Variants in ST8SIA4 observed in about 807,000 individuals in gnomAD.
The protein encoded by ST8SIA4 is ST8 alpha-N-acetyl-neuraminide alpha-2,8-sialyltransferase 4.
In ST8SIA4, 15 loss-of-function variants were observed where a neutral mutation model predicts 33.9. The observed-to-expected ratio is 0.44, with a 90% CI of 0.30 to 0.68. The LOEUF is 0.68. Ranked by LOEUF, ST8SIA4 falls within the 30% of genes least tolerant of loss-of-function variation. The probability of loss-of-function intolerance (pLI) is 0.10; values close to 1 mark genes in which losing one functional copy is unlikely to be tolerated. For synonymous variants in ST8SIA4, 171 were observed against 151.2 expected (o/e 1.13, Z -0.96); for missense variants, 321 against 428.0 (o/e 0.75, Z 2.21).
At position 100,811,694 on chromosome 5, in the gene ST8SIA4, C is replaced by T. The variant is rs3076; in HGVS notation, c.*153G>A. 82,214 of 752,674 alleles carry T rather than the reference C, an allele frequency of 0.11. 5,589 individuals are homozygous for T. Among genetic ancestry groups the T allele is most frequent in the Middle Eastern group, 0.19 (478 of 2,578 alleles). 46.6% of individuals were successfully genotyped at this position (752,674 alleles called of 1,614,324 possible). A position where few individuals can be genotyped will look rare whatever the true frequency, so the allele number is the denominator to read the frequency against. On this transcript the variant is annotated 3_prime_UTR_variant, in exon 5 of 5. Coordinates refer to ENST00000231461, the MANE Select transcript of ST8SIA4 (RefSeq NM_005668.6). ...TTTTTAGAGCACTTTGCAGGTATTT[C>T]ATCAGCTGGTAGTCGATTTCTCATG... is the stretch of plus-strand genomic sequence containing the variant.
In ST8SIA4 at chr5:100,807,379, T is replaced by C. The variant is rs1750716611; in HGVS notation, c.*4468A>G. The stretch of plus-strand genomic sequence containing the variant: ...AAGAAATACTCAGTAGCAATTATTC[T>C]GTGCAGCAATGCTATCTCTGTAAAC... On this transcript the variant is annotated 3_prime_UTR_variant, in exon 5 of 5. Transcript: ENST00000231461. 1 of 152,576 alleles carries C rather than the reference T, an allele frequency of 6.6e-6. No homozygotes were observed. The highest frequency in any genetic ancestry group is 1.5e-5 in the Non-Finnish European group (1 of 67,970). 9.5% of individuals were successfully genotyped at this position (152,576 alleles called of 1,614,324 possible). A position where few individuals can be genotyped will look rare whatever the true frequency, so the allele number is the denominator to read the frequency against.
intron 2 of ST8SIA4, among the ~76,000 whole-genome samples, chr5:100,889,152 A>C (rs1009373846): frequency 1.3e-5 from 2 of 151,942 alleles, no homozygotes; most frequent in African/African-American, 4.8e-5. Context: ...TTTTCACAAA[A>C]GTTAACAACT....
chr5:100,816,676 A>AT (rs1170286729), intron 4 of ST8SIA4: 3 of 471,496 alleles, frequency 6.4e-6, no homozygotes, highest in African/African-American at 6.3e-5. Context: ...AACAGTTGTA[A>AT]TTTAATGTTA....
intron 4 of ST8SIA4, among the ~76,000 whole-genome samples, chr5:100,813,694 C>A (rs1327629360): frequency 6.6e-6 from 1 of 151,740 alleles, no homozygotes. Context: ...TCTCTGGGCT[C>A]TGAGAAAACA....
chr5:100,886,603 G>A lies in ST8SIA4; in HGVS notation c.246-3C>T. The A allele has an allele frequency of 6.2e-7, 1 of 1,610,234 alleles. No homozygotes were observed. On this transcript the variant is annotated splice_polypyrimidine_tract_variant and splice_region_variant and intron_variant, in intron 2 of 4. Transcript: ENST00000231461. ...CTAAGAAACGAAGTATGTTCTTCCTGTATTTGAAATACAAGCAAAGTTTTA... is the reference window on the plus strand; with the variant it reads ...CTAAGAAACGAAGTATGTTCTTCCTATATTTGAAATACAAGCAAAGTTTTA...
At chr5:100,891,581 C>T (rs1211349698) in intron 2 of ST8SIA4, among the ~76,000 whole-genome samples, 4 of 151,876 alleles carry the variant, frequency 2.6e-5, no homozygotes, top group African/African-American at 4.8e-5. Context: ...AATTGTCCCA[C>T]AATATTTGAT....
chr5:100,839,129 T>C (rs923508575), intron 4 of ST8SIA4, among the ~76,000 whole-genome samples: 8 of 152,032 alleles, frequency 5.3e-5, no homozygotes, highest in Middle Eastern at 3.4e-3. Context: ...CACCCACCCA[T>C]TTAAAAATTT....
At chr5:100,867,011 T>C (rs1219153231) in intron 3 of ST8SIA4, among the ~76,000 whole-genome samples, 1 of 152,140 alleles carries the variant, frequency 6.6e-6, no homozygotes, top group Non-Finnish European at 1.5e-5. Context: ...TGTGATTGTT[T>C]TCCTTTTTTC....
chr5:100,895,295 C>T (rs1752757217), intron 2 of ST8SIA4, among the ~76,000 whole-genome samples: 1 of 151,918 alleles, frequency 6.6e-6, no homozygotes, highest in South Asian at 2.1e-4. Flanking sequence ...GTTGAGAAAA[C>T]CCAAAAGCAG....
intron 4 of ST8SIA4, among the ~76,000 whole-genome samples, chr5:100,823,817 C>A (rs929334906): frequency 6.6e-6 from 1 of 152,118 alleles, no homozygotes; most frequent in Non-Finnish European, 1.5e-5. Flanking sequence ...AGAGGCACTG[C>A]CTAAGACAAA....
chr5:100,831,298 C>A (rs1751253134), intron 4 of ST8SIA4, among the ~76,000 whole-genome samples: 2 of 152,156 alleles, frequency 1.3e-5, no homozygotes, highest in Non-Finnish European at 2.9e-5. Context: ...CAGTCTCTAT[C>A]CCATAACTAA....
chr5:100,842,965 G>A (rs2010850389), intron 4 of ST8SIA4, among the ~76,000 whole-genome samples: 2 of 151,864 alleles, frequency 1.3e-5, no homozygotes, highest in South Asian at 4.1e-4. Context: ...CCAAAACAAG[G>A]AAGCTTTAAA....
intron 4 of ST8SIA4, among the ~76,000 whole-genome samples, chr5:100,853,937 CT>C (rs1751755934): frequency 6.6e-6 from 1 of 151,518 alleles, no homozygotes; most frequent in African/African-American, 2.4e-5. Flanking sequence ...CAGATTATTT[CT>C]TTCTAAAACT....
intron 3 of ST8SIA4, among the ~76,000 whole-genome samples, chr5:100,867,160 T>C (rs193188820): frequency 6.6e-6 from 1 of 152,226 alleles, no homozygotes; most frequent in East Asian, 1.9e-4. Context: ...AGAAGTGTAA[T>C]TTTTATTTGC....
At chr5:100,835,483 A>G (rs963240098) in intron 4 of ST8SIA4, among the ~76,000 whole-genome samples, 2 of 152,184 alleles carry the variant, frequency 1.3e-5, no homozygotes, top group African/African-American at 2.4e-5. Context: ...GCTATTAAAG[A>G]TAAATATTGG....
intron 4 of ST8SIA4, among the ~76,000 whole-genome samples, chr5:100,843,497 A>G (rs898991324): frequency 6.6e-6 from 1 of 151,938 alleles, no homozygotes; most frequent in Non-Finnish European, 1.5e-5. Context: ...TGAGTTCTTA[A>G]GATGCTAGCA....
intron 4 of ST8SIA4, among the ~76,000 whole-genome samples, chr5:100,813,337 C>G (rs1308761643): frequency 6.6e-6 from 1 of 151,972 alleles, no homozygotes; most frequent in Non-Finnish European, 1.5e-5. Flanking sequence ...TATATTTTGT[C>G]TTTCATTTTC....
intron 3 of ST8SIA4, among the ~76,000 whole-genome samples, chr5:100,879,291 G>T (rs1255087491): frequency 6.6e-6 from 1 of 152,068 alleles, no homozygotes; most frequent in Admixed American, 6.6e-5. Context: ...AAATTTTCAA[G>T]CACAAATCAG....
In ST8SIA4 at chr5:100,810,888, A is replaced by G; in HGVS notation, c.*959T>C. 1 of 152,648 alleles carries G rather than the reference A, an allele frequency of 6.6e-6. No homozygotes were observed. The highest frequency in any genetic ancestry group is 1.5e-5 in the Non-Finnish European group (1 of 68,090). The allele number at this position is 152,648 out of a possible 1,614,324, so 9.5% of individuals were successfully genotyped here. On this transcript the variant is annotated 3_prime_UTR_variant, in exon 5 of 5. Coordinates refer to ENST00000231461, the MANE Select transcript of ST8SIA4 (RefSeq NM_005668.6). ...AGCCGTGCAAAATAAAACTTTTTTA[A>G]AAATGTCGGCCAGGCACGGTGGCTC...
Sources: gnomAD v4.1 joint callset for allele counts (sites outside exome capture counted in the v4.1 genomes callset) on GRCh38, gnomAD v4.1.1 for gene constraint, MANE v1.5 for transcripts, NCBI Gene and HGNC (gene_info 2026-07-23, HGNC 2026-07-21) for gene names.